The following AK4 variants were observed in gnomAD, a reference collection of about 807,000 sequenced individuals.
AK4 encodes adenylate kinase 4.
In AK4, 13 loss-of-function variants were observed where a neutral mutation model predicts 24.6. That is an observed-to-expected ratio of 0.53 (90% CI 0.34 to 0.84). The LOEUF is 0.84. Ranked by LOEUF, AK4 falls within the 40% of genes least tolerant of loss-of-function variation. The pLI, the probability that AK4 is intolerant of heterozygous loss-of-function variation, is 0.01. For missense variants in AK4, 192 were observed against 288.2 expected, an observed-to-expected ratio of 0.67 and a Z score of 2.42; for synonymous variants, 88 against 107.0, an observed-to-expected ratio of 0.82 and a Z score of 1.10.
intron 2 of AK4, among the ~76,000 whole-genome samples, chr1:65,217,424 G>A (rs1652165071): frequency 6.6e-6 from 1 of 152,120 alleles, no homozygotes; most frequent in Non-Finnish European, 1.5e-5. Context: ...TATCTGAATG[G>A]ATTTAAAGTT....
intron 2 of AK4, among the ~76,000 whole-genome samples, chr1:65,206,570 TGTGCGTGTGTGCAC>T (rs1378984608): frequency 1.3e-5 from 2 of 152,220 alleles, no homozygotes; most frequent in Non-Finnish European, 2.9e-5. Context: ...CCCATCTGCG[TGTGCGTGTGTGCAC>T]GTGCGTGCGC....
rs531416411 is a variant in AK4 at position 65,231,955 on chromosome 1, TC to T, written c.*5780del. On this transcript the variant is annotated 3_prime_UTR_variant, in exon 5 of 5. Transcript: ENST00000327299. ...TGTTTATGATGAGTCAGAGTGCTTT[TC>T]CTCGGTGGGACAGTTGCTGGCCCTC... is the stretch of plus-strand genomic sequence containing the variant. 6.6e-6 allele frequency: 1 copy of T among 152,200 alleles called. No homozygotes were observed. Among genetic ancestry groups the T allele is most frequent in the Non-Finnish European group, 1.5e-5 (1 of 68,048 alleles). The allele number at this position is 152,200 out of a possible 1,614,324, so 9.4% of individuals were successfully genotyped here.
rs538496724 is a variant in AK4 at position 65,231,486 on chromosome 1, G to T, written c.*5309G>T. The stretch of plus-strand genomic sequence containing the variant: ...GCACAGTGTCATTCTTTAAATAAAA[G>T]CTTTCCTGTTTAAAGCTTTTCAAAG... On this transcript the variant is annotated 3_prime_UTR_variant, in exon 5 of 5. Transcript: ENST00000327299. The T allele has an allele frequency of 3.3e-5, 5 of 152,120 alleles. No homozygotes were observed. Among genetic ancestry groups the T allele is most frequent in the Non-Finnish European group, 7.4e-5 (5 of 68,014 alleles). The allele number at this position is 152,120 out of a possible 1,614,324, so 9.4% of individuals were successfully genotyped here.
chr1:65,187,435 GAGA>G (rs1557452592), intron 1 of AK4, among the ~76,000 whole-genome samples: 1 of 151,824 alleles, frequency 6.6e-6, no homozygotes, highest in East Asian at 1.9e-4. Context: ...AGAGGGAGAT[GAGA>G]AGAAGGAGTG....
chr1:65,156,368 C>T (rs1013704097), intron 1 of AK4, among the ~76,000 whole-genome samples: 8 of 151,928 alleles, frequency 5.3e-5, no homozygotes, highest in African/African-American at 1.7e-4. Flanking sequence ...TTTTAATGTA[C>T]ACATTTGTTC....
chr1:65,167,040 G>GA, intron 1 of AK4, among the ~76,000 whole-genome samples: 2 of 152,312 alleles, frequency 1.3e-5, no homozygotes, highest in African/African-American at 4.8e-5. Context: ...GCTGAGGCAG[G>GA]AAAATCACTT....
At chr1:65,199,008 C>T (rs1651575734) in intron 2 of AK4, among the ~76,000 whole-genome samples, 1 of 150,726 alleles carries the variant, frequency 6.6e-6, no homozygotes, top group Non-Finnish European at 1.5e-5. Context: ...TGAGCCTGAA[C>T]CTGGGGAGGT....
Position 65,220,792 on chromosome 1 carries a change from A to G in AK4, c.438+1866A>G, listed in dbSNP as rs149938467. Among the ~76,000 whole-genome samples, 62 of 152,312 alleles carry G rather than the reference A, an allele frequency of 4.1e-4. No individual in the cohort carries two copies. The South Asian group carries it at 4.8e-3, about 12-fold the overall frequency. On this transcript the variant is annotated intron_variant, in intron 3 of 4. Coordinates refer to ENST00000327299, the MANE Select transcript of AK4 (RefSeq NM_013410.4). Reference sequence around the variant, plus strand: ...CGCATGGCCCTGAAAGTATTTTTCAATGAGAAGTGCAAACAGCAGAATGAT... The same window carrying G: ...CGCATGGCCCTGAAAGTATTTTTCAGTGAGAAGTGCAAACAGCAGAATGAT...
At chr1:65,207,851 A>G (rs919364781) in intron 2 of AK4, among the ~76,000 whole-genome samples, 1 of 152,130 alleles carries the variant, frequency 6.6e-6, no homozygotes, top group African/African-American at 2.4e-5. Context: ...AGCTGCATCC[A>G]TGTTGCTACA....
Position 65,148,337 on chromosome 1 carries a change from A to C in AK4, c.-71A>C. ...GCCAGAGGTAGGGGGCCGAGAAACA[A>C]AGTTCCCGGGGCTTCCTCCGGGGCC... On this transcript the variant is annotated 5_prime_UTR_variant, in exon 1 of 5. Transcript: ENST00000327299. 1.4e-6 allele frequency: 2 copies of C among 1,481,136 alleles called. No individual in the cohort carries two copies. The highest frequency in any genetic ancestry group is 9.0e-7 in the Non-Finnish European group (1 of 1,115,956). 91.7% of individuals were successfully genotyped at this position (1,481,136 alleles called of 1,614,324 possible). A position where few individuals can be genotyped will look rare whatever the true frequency, so the allele number is the denominator to read the frequency against.
intron 3 of AK4, among the ~76,000 whole-genome samples, chr1:65,220,833 C>T (rs1652273329): frequency 6.6e-6 from 1 of 152,072 alleles, no homozygotes. Context: ...TTTTGTAAAA[C>T]AGGGACTACA....
At chr1:65,215,989 T>TG (rs1491094832) in intron 2 of AK4, among the ~76,000 whole-genome samples, 4 of 152,228 alleles carry the variant, frequency 2.6e-5, no homozygotes, top group Non-Finnish European at 5.9e-5. Flanking sequence ...AGGCAGAGAC[T>TG]GTGGCTAAGC....
At chr1:65,170,453 T>C (rs774339393) in intron 1 of AK4, among the ~76,000 whole-genome samples, 12 of 152,220 alleles carry the variant, frequency 7.9e-5, no homozygotes, top group Non-Finnish European at 1.3e-4. Context: ...AATGGTGCTT[T>C]GAATGTCATG....
intron 1 of AK4, among the ~76,000 whole-genome samples, chr1:65,169,817 A>AT (rs1277482710): frequency 2.0e-5 from 3 of 151,692 alleles, no homozygotes; most frequent in Non-Finnish European, 4.4e-5. Flanking sequence ...TTTATCATGG[A>AT]TTTTTTGGGC....
chr1:65,224,724 T>C (rs1225439031), intron 3 of AK4, 28 bp from the exon 4 acceptor site: 1 of 1,583,268 alleles, frequency 6.3e-7, no homozygotes, highest in Non-Finnish European at 8.7e-7. Context: ...CTGTTGTCTA[T>C]ATTAATTGGT....
At position 65,148,388 on chromosome 1, in the gene AK4, C is replaced by T. The variant is rs910861892; in HGVS notation, c.-20C>T. 4 of 1,524,008 alleles carry T rather than the reference C, an allele frequency of 2.6e-6. No homozygotes were observed. The highest frequency in any genetic ancestry group is 2.6e-6 in the Non-Finnish European group (3 of 1,136,482). The allele number at this position is 1,524,008 out of a possible 1,614,324, so 94.4% of individuals were successfully genotyped here. A position where few individuals can be genotyped will look rare whatever the true frequency, so the allele number is the denominator to read the frequency against. ...GCGGTCGGGGCTGCGCGTTTGACCGCCCCCCTCCTCGCGAAGGCAATGGCT... is the reference window on the plus strand; with the variant it reads ...GCGGTCGGGGCTGCGCGTTTGACCGTCCCCCTCCTCGCGAAGGCAATGGCT... On this transcript the variant is annotated 5_prime_UTR_variant, in exon 1 of 5. Coordinates refer to ENST00000327299, the MANE Select transcript of AK4 (RefSeq NM_013410.4).
chr1:65,214,474 T>G lies in AK4; in HGVS notation c.266-4280T>G, dbSNP rs140680822. Among the ~76,000 whole-genome samples, 15 of 152,222 alleles carry G rather than the reference T, an allele frequency of 9.9e-5. No homozygotes were observed. In the East Asian group the frequency reaches 1.5e-3, roughly 16 times the overall value. On this transcript the variant is annotated intron_variant, in intron 2 of 4. Transcript: ENST00000327299. Reference sequence around the variant, plus strand: ...AGATGAAACTAAGGATCTGAGAGTATATGAAACTTGCCAAAGTTCTCACAG... The same window carrying G: ...AGATGAAACTAAGGATCTGAGAGTAGATGAAACTTGCCAAAGTTCTCACAG...
At chr1:65,221,378 T>C (rs1174828456) in intron 3 of AK4, among the ~76,000 whole-genome samples, 1 of 152,184 alleles carries the variant, frequency 6.6e-6, no homozygotes, top group Non-Finnish European at 1.5e-5. Flanking sequence ...CTGGGTGCCA[T>C]TGTGTCAGTA....
At chr1:65,159,526 G>A (rs577521717) in intron 1 of AK4, among the ~76,000 whole-genome samples, 7 of 152,026 alleles carry the variant, frequency 4.6e-5, no homozygotes, top group South Asian at 2.1e-4. Context: ...GAGTGGTGGC[G>A]CATGCCTGTA....
Sources: allele counts gnomAD v4.1 joint callset (sites outside exome capture counted in the v4.1 genomes callset), GRCh38; gene constraint gnomAD v4.1.1; transcripts MANE v1.5; gene names NCBI Gene and HGNC (gene_info 2026-07-23, HGNC 2026-07-21).